The following ADAMTSL1 variants were observed in gnomAD, a reference collection of about 807,000 sequenced individuals.
The protein encoded by ADAMTSL1 is ADAMTS-like protein 1.
A neutral mutation model predicts 201.8 loss-of-function variants in ADAMTSL1; 126 were observed. That is an observed-to-expected ratio of 0.62 (90% CI 0.54 to 0.72). ADAMTSL1 has a LOEUF of 0.72. Among genes scored for constraint, ADAMTSL1 ranks in the 30% least tolerant of loss-of-function variants. The probability of loss-of-function intolerance (pLI) is 0.00; values close to 1 mark genes in which losing one functional copy is unlikely to be tolerated. For missense variants in ADAMTSL1, 2,679 were observed against 2,277.8 expected (o/e 1.18, Z -3.59); for synonymous variants, 1,121 against 903.4 (o/e 1.24, Z -4.32).
At chr9:18,538,714 G>C (rs1002571690) in intron 3 of ADAMTSL1, among the ~76,000 whole-genome samples, 16 of 152,174 alleles carry the variant, frequency 1.1e-4, no homozygotes, top group Non-Finnish European at 1.3e-4. Flanking sequence ...AAAATTCATG[G>C]CATTCACAGA....
intron 1 of ADAMTSL1, among the ~76,000 whole-genome samples, chr9:18,024,393 C>A (rs1226496766): frequency 6.6e-6 from 1 of 151,914 alleles, no homozygotes; most frequent in Admixed American, 6.6e-5. Context: ...CAATAGGTAG[C>A]TTCTCATCCC....
intron 1 of ADAMTSL1, among the ~76,000 whole-genome samples, chr9:18,151,265 G>T (rs554636772): frequency 6.6e-6 from 1 of 152,166 alleles, no homozygotes; most frequent in East Asian, 1.9e-4. Flanking sequence ...TGTAATGTGG[G>T]GGGAGTAAAT....
At chr9:17,949,137 A>G (rs1827630853) in intron 1 of ADAMTSL1, among the ~76,000 whole-genome samples, 1 of 152,234 alleles carries the variant, frequency 6.6e-6, no homozygotes. Flanking sequence ...ATTTTAAAAA[A>G]CACTTAAAAT....
chr9:18,552,260 G>A (rs536527137), intron 3 of ADAMTSL1, among the ~76,000 whole-genome samples: 3 of 151,690 alleles, frequency 2.0e-5, no homozygotes, highest in African/African-American at 4.8e-5. Context: ...GTTGCATCCC[G>A]CAGTGTGATA....
chr9:18,809,563 G>A (rs1823375585), intron 20 of ADAMTSL1, among the ~76,000 whole-genome samples: 2 of 152,216 alleles, frequency 1.3e-5, no homozygotes, highest in African/African-American at 2.4e-5. Flanking sequence ...GCCAAAGCAG[G>A]TGGATCACCT....
intron 4 of ADAMTSL1, among the ~76,000 whole-genome samples, chr9:18,590,076 C>T (rs985021013): frequency 6.6e-6 from 1 of 151,982 alleles, no homozygotes; most frequent in Non-Finnish European, 1.5e-5. Context: ...ATGTTGGCCT[C>T]ATTGGATAAG....
chr9:18,566,299 A>G (rs1564054145), intron 3 of ADAMTSL1, among the ~76,000 whole-genome samples: 1 of 152,232 alleles, frequency 6.6e-6, no homozygotes, highest in Non-Finnish European at 1.5e-5. Flanking sequence ...TTCTTTCAAC[A>G]AATATTCGAG....
intron 2 of ADAMTSL1, among the ~76,000 whole-genome samples, chr9:18,194,147 G>C (rs1410545466): frequency 1.3e-5 from 2 of 152,078 alleles, no homozygotes; most frequent in Non-Finnish European, 2.9e-5. Context: ...AAGAAAAAAA[G>C]AAGAGCATTT....
At chr9:17,961,371 C>T (rs966774302) in intron 1 of ADAMTSL1, among the ~76,000 whole-genome samples, 4 of 152,110 alleles carry the variant, frequency 2.6e-5, no homozygotes, top group Non-Finnish European at 5.9e-5. Context: ...GCCTCCGCCT[C>T]CTGAGTAACT....
chr9:18,349,023 G>C (rs77099196), intron 2 of ADAMTSL1, among the ~76,000 whole-genome samples: 1,776 of 152,240 alleles, frequency 0.012, 34 homozygotes, highest in African/African-American at 0.041. Flanking sequence ...GTTGGAGAAA[G>C]TTAAACACAG....
At chr9:18,539,486 C>T (rs145016094) in intron 3 of ADAMTSL1, among the ~76,000 whole-genome samples, 40 of 152,318 alleles carry the variant, frequency 2.6e-4, no homozygotes, top group East Asian at 5.8e-4. Context: ...AACCTGGAAA[C>T]GCAGAAAACT....
intron 4 of ADAMTSL1, among the ~76,000 whole-genome samples, chr9:18,621,438 A>G (rs558593327): frequency 4.7e-4 from 71 of 152,182 alleles, no homozygotes; most frequent in African/African-American, 1.6e-3. Flanking sequence ...TCTTACTTGC[A>G]TGGCTCTTTT....
intron 15 of ADAMTSL1, among the ~76,000 whole-genome samples, chr9:18,751,694 CTG>C (rs780767084): frequency 6.6e-6 from 1 of 152,114 alleles, no homozygotes; most frequent in African/African-American, 2.4e-5. Context: ...GGTAGAATAA[CTG>C]TAATACAACT....
intron 1 of ADAMTSL1, among the ~76,000 whole-genome samples, chr9:18,095,630 G>T (rs1824217914): frequency 6.6e-6 from 1 of 151,892 alleles, no homozygotes; most frequent in Non-Finnish European, 1.5e-5. Context: ...CGCCATGTTG[G>T]CCAGGCTGGT....
At chr9:18,567,436 A>AAG (rs368938188) in intron 3 of ADAMTSL1, among the ~76,000 whole-genome samples, 29 of 152,322 alleles carry the variant, frequency 1.9e-4, no homozygotes, top group African/African-American at 6.5e-4. Flanking sequence ...ACTGCACTCC[A>AAG]GCCTGGGTGA....
chr9:18,356,373 C>T (rs1239086043), intron 2 of ADAMTSL1, among the ~76,000 whole-genome samples: 2 of 152,032 alleles, frequency 1.3e-5, no homozygotes, highest in African/African-American at 4.8e-5. Context: ...AAGCATTTGG[C>T]TGCCTCCTCT....
intron 3 of ADAMTSL1, among the ~76,000 whole-genome samples, chr9:18,536,556 T>C (rs965402195): frequency 6.6e-6 from 1 of 152,130 alleles, no homozygotes; most frequent in Non-Finnish European, 1.5e-5. Context: ...AATGTTTGCA[T>C]AGTTCTCATA....
intron 26 of ADAMTSL1, among the ~76,000 whole-genome samples, chr9:18,900,186 A>G (rs1205785752): frequency 1.3e-5 from 2 of 152,248 alleles, no homozygotes; most frequent in African/African-American, 2.4e-5. Flanking sequence ...AAAAAGCTCA[A>G]CATCACTGAT....
At chr9:18,057,977 C>G (rs1822273455) in intron 1 of ADAMTSL1, among the ~76,000 whole-genome samples, 2 of 152,196 alleles carry the variant, frequency 1.3e-5, no homozygotes, top group African/African-American at 4.8e-5. Context: ...TTATCATTGT[C>G]TGCCTGGCTA....
Sources: gnomAD v4.1 joint callset for allele counts (sites outside exome capture counted in the v4.1 genomes callset) on GRCh38, gnomAD v4.1.1 for gene constraint, MANE v1.5 for transcripts, NCBI Gene and HGNC (gene_info 2026-07-23, HGNC 2026-07-21) for gene names.